Variants in AKAP12 observed in about 807,000 individuals in gnomAD.
The protein encoded by AKAP12 is A-kinase anchor protein 12.
AKAP12 carries 32 observed loss-of-function variants against 79.9 expected under a neutral mutation model. The ratio of observed to expected loss-of-function variants is 0.40; its 90% CI spans 0.30 to 0.54. The LOEUF (loss-of-function observed/expected upper bound fraction) is 0.54, where lower values mean the gene tolerates loss of function less well. Among genes scored for constraint, AKAP12 ranks in the 20% least tolerant of loss-of-function variants. AKAP12 has a pLI of 0.48. For missense variants in AKAP12, 2,074 were observed against 2,177.0 expected, an observed-to-expected ratio of 0.95 and a Z score of 0.94; for synonymous variants, 808 against 857.0, an observed-to-expected ratio of 0.94 and a Z score of 1.00.
intron 2 of AKAP12, among the ~76,000 whole-genome samples, chr6:151,268,660 T>A (rs998978077): frequency 6.6e-6 from 1 of 152,202 alleles, no homozygotes; most frequent in African/African-American, 2.4e-5. Context: ...TTAAATTCTT[T>A]AAGACAGATT....
At chr6:151,257,032 TATGCCACA>T (rs1033841104) in intron 2 of AKAP12, among the ~76,000 whole-genome samples, 6 of 151,814 alleles carry the variant, frequency 4.0e-5, no homozygotes, top group African/African-American at 1.5e-4. Flanking sequence ...AGATATGAAA[TATGCCACA>T]ACTTTTTAAA....
In AKAP12 at chr6:151,356,940, C is replaced by T. The variant is rs1167796464; in HGVS notation, c.*1226C>T. 6.6e-6 allele frequency: 1 copy of T among 152,174 alleles called. No individual in the cohort carries two copies. The highest frequency in any genetic ancestry group is 1.5e-5 in the Non-Finnish European group (1 of 68,038). 9.4% of individuals were successfully genotyped at this position (152,174 alleles called of 1,614,324 possible). A position where few individuals can be genotyped will look rare whatever the true frequency, so the allele number is the denominator to read the frequency against. The stretch of plus-strand genomic sequence containing the variant: ...AGGAAGCCATGGCCGAGATAGCTTT[C>T]CTGAAATAAACCAGTAGCTTTTCAG... On this transcript the variant is annotated 3_prime_UTR_variant, in exon 5 of 5. Transcript: ENST00000402676.
intron 3 of AKAP12, among the ~76,000 whole-genome samples, chr6:151,311,524 G>C (rs1360310407): frequency 6.6e-6 from 1 of 151,670 alleles, no homozygotes; most frequent in Non-Finnish European, 1.5e-5. Context: ...CCCCACCCCC[G>C]GGGAAAAATG....
intron 2 of AKAP12, among the ~76,000 whole-genome samples, chr6:151,278,903 G>A (rs918722792): frequency 1.3e-5 from 2 of 152,102 alleles, no homozygotes; most frequent in East Asian, 1.9e-4. Context: ...TCCTGACCTT[G>A]TGATCCGCCT....
intron 3 of AKAP12, chr6:151,323,799 T>C: frequency 1.0e-6 from 1 of 985,396 alleles, no homozygotes; most frequent in Non-Finnish European, 1.2e-6. Context: ...GGAGATTCAT[T>C]CTGCTCTGCA....
Position 151,337,181 on chromosome 6 carries a change from G to A in AKAP12, c.320-11530G>A, listed in dbSNP as rs891423221. 4.0e-5 allele frequency among the ~76,000 whole-genome samples: 6 copies of A among 151,852 alleles called. No homozygotes were observed. In the South Asian group the frequency reaches 6.2e-4, roughly 16 times the overall value. ...ATTTTTAGTAGTTACCTGCAATTCC[G>A]AGTGCATTCTTCCAAGTGATTTTTT... is the stretch of plus-strand genomic sequence containing the variant. On this transcript the variant is annotated intron_variant, in intron 3 of 4. Transcript: ENST00000402676.
At chr6:151,336,921 T>C (rs1239056854) in intron 3 of AKAP12, among the ~76,000 whole-genome samples, 1 of 152,166 alleles carries the variant, frequency 6.6e-6, no homozygotes, top group East Asian at 1.9e-4. Flanking sequence ...TGCTAGTAAG[T>C]GGTACAGCTA....
At chr6:151,328,636 CA>C (rs113704575) in intron 3 of AKAP12, among the ~76,000 whole-genome samples, 57,439 of 116,352 alleles carry the variant, frequency 0.49, 12,114 homozygotes, top group African/African-American at 0.63. Flanking sequence ...GACTCCGTCT[CA>C]AAAAAAAAAA....
chr6:151,298,073 G>A (rs1776775454), intron 2 of AKAP12, among the ~76,000 whole-genome samples: 1 of 152,162 alleles, frequency 6.6e-6, no homozygotes, highest in Non-Finnish European at 1.5e-5. Flanking sequence ...AAGTTCCATA[G>A]CTGAGAGGAG....
At chr6:151,240,783 G>A (rs1388334410) in intron 2 of AKAP12, 59 bp downstream of exon 2, 5 of 1,128,258 alleles carry the variant, frequency 4.4e-6, no homozygotes, top group African/African-American at 2.0e-5. Context: ...GTGGGGGTGG[G>A]GGTGGGGGGG....
At chr6:151,302,766 T>C (rs548358275) in intron 2 of AKAP12, among the ~76,000 whole-genome samples, 60 of 152,270 alleles carry the variant, frequency 3.9e-4, no homozygotes, top group Middle Eastern at 3.4e-3. Context: ...TGTCAACAGT[T>C]TCTAGGTTTA....
At chr6:151,247,659 T>C (rs976862789) in intron 2 of AKAP12, among the ~76,000 whole-genome samples, 1 of 152,160 alleles carries the variant, frequency 6.6e-6, no homozygotes, top group Non-Finnish European at 1.5e-5. Context: ...AGAAATTACT[T>C]TGTGGTCATG....
intron 3 of AKAP12, among the ~76,000 whole-genome samples, chr6:151,319,455 A>ATCTG (rs1777312585): frequency 1.4e-5 from 2 of 144,788 alleles, no homozygotes; most frequent in South Asian, 4.3e-4. Context: ...CTATCTATCT[A>ATCTG]TCTATCTATC....
intron 2 of AKAP12, among the ~76,000 whole-genome samples, chr6:151,250,687 A>G (rs1174408963): frequency 8.1e-5 from 12 of 148,970 alleles, no homozygotes; most frequent in Middle Eastern, 3.5e-3. Flanking sequence ...CTCACTGCAA[A>G]CTCCGCCTCC....
At chr6:151,340,571 T>TA (rs1238412997) in intron 3 of AKAP12, among the ~76,000 whole-genome samples, 1 of 151,272 alleles carries the variant, frequency 6.6e-6, no homozygotes, top group Non-Finnish European at 1.5e-5. Flanking sequence ...CTCCACCTTC[T>TA]AGCCCATAAG....
At chr6:151,347,794 T>C (rs1210222352) in intron 3 of AKAP12, among the ~76,000 whole-genome samples, 4 of 151,972 alleles carry the variant, frequency 2.6e-5, no homozygotes. Flanking sequence ...CCCAGCACTT[T>C]GGGAGGCCGA....
At chr6:151,323,974 A>C (rs1349770390) in intron 3 of AKAP12, 1 of 985,322 alleles carries the variant, frequency 1.0e-6, no homozygotes, top group Non-Finnish European at 1.2e-6. Flanking sequence ...CTGATGCAAC[A>C]TCCCAAGTCG....
rs898648426 is a variant in AKAP12, at chr6:151,288,192, A to G, written c.163-17555A>G. On this transcript the variant is annotated intron_variant, in intron 2 of 4. Coordinates refer to ENST00000402676, the MANE Select transcript of AKAP12 (RefSeq NM_005100.4). ...ACAAACCTGCGTGTTCTGGACATGTATCCCAGAACTTAAAGTATTTAAAAA... is the reference window on the plus strand; with the variant it reads ...ACAAACCTGCGTGTTCTGGACATGTGTCCCAGAACTTAAAGTATTTAAAAA... 5.3e-4 allele frequency among the ~76,000 whole-genome samples: 79 copies of G among 150,104 alleles called. 1 individual carries two copies. Among genetic ancestry groups the G allele is most frequent in the Non-Finnish European group, 1.5e-4 (10 of 67,602 alleles).
At chr6:151,346,902 C>T (rs1778114964) in intron 3 of AKAP12, among the ~76,000 whole-genome samples, 1 of 152,108 alleles carries the variant, frequency 6.6e-6, no homozygotes, top group Non-Finnish European at 1.5e-5. Context: ...TTTCTTTTTT[C>T]CTTAAAGAAG....
Sources: gnomAD v4.1 joint callset for allele counts (sites outside exome capture counted in the v4.1 genomes callset) on GRCh38, gnomAD v4.1.1 for gene constraint, MANE v1.5 for transcripts, NCBI Gene and HGNC (gene_info 2026-07-23, HGNC 2026-07-21) for gene names.